The following EEF2 variants were observed in gnomAD, a reference collection of about 807,000 sequenced individuals.
EEF2 encodes eukaryotic translation elongation factor 2, also known as elongation factor 2.
Under a neutral mutation model 85.3 loss-of-function variants are expected in EEF2, and 21 were observed. The ratio of observed to expected loss-of-function variants is 0.25; its 90% CI spans 0.17 to 0.35. EEF2 has a LOEUF of 0.35. Ranked by LOEUF, EEF2 falls within the 10% of genes least tolerant of loss-of-function variation. The probability of loss-of-function intolerance (pLI) is 1.00; values close to 1 mark genes in which losing one functional copy is unlikely to be tolerated. For missense variants in EEF2, 825 were observed against 1,225.3 expected, an observed-to-expected ratio of 0.67 and a Z score of 4.88; for synonymous variants, 723 against 508.8, an observed-to-expected ratio of 1.42 and a Z score of -5.67.
In EEF2 at chr19:3,977,788, T is replaced by C; in HGVS notation, c.2067+31A>G. The C allele has an allele frequency of 1.3e-6, 2 of 1,539,152 alleles. No individual in the cohort carries two copies. The highest frequency in any genetic ancestry group is 1.8e-6 in the Non-Finnish European group (2 of 1,139,696). ...GGTCCCTCTAGAGCCTGGAAACGGG[T>C]GTGGTCTGCACATGCTGAGCCGTGC... On this transcript the variant is annotated intron_variant, in intron 12 of 14. Coordinates refer to ENST00000309311, the MANE Select transcript of EEF2 (RefSeq NM_001961.4). The surrounding 1 kb of genome is among the most constrained non-coding windows in gnomAD (Gnocchi z 5.4).
At chr19:3,981,544 C>T (rs1599195320) in intron 6 of EEF2, 92 bp from the exon 7 acceptor site, 1 of 1,176,478 alleles carries the variant, frequency 8.5e-7, no homozygotes, top group East Asian at 2.3e-5. Flanking sequence ...CAGGTCAGCG[C>T]AGGGGGACGC....
At position 3,976,648 on chromosome 19, in the gene EEF2, C is replaced by T. The variant is rs765952566; in HGVS notation, c.2483G>A (p.Ser828Asn). ...QILPGDPFDN[S>N]SRPSQVVAET... The stretch of plus-strand genomic sequence containing the variant: ...CGCCACCACCTGGCTGGGGCGGCTG[C>T]TGTTGTCGAAGGGGTCTCCGGGCAG... Residue 828 changes from serine (S) to asparagine (N), a missense_variant, in exon 15 of 15, where the codon AGC becomes AAC. Ser to Asn is a conservative substitution (Grantham distance 46). Transcript: ENST00000309311. The T allele has an allele frequency of 1.2e-5, 20 of 1,609,898 alleles. No homozygotes were observed. The highest frequency in any genetic ancestry group is 2.2e-5 in the East Asian group (1 of 44,794).
chr19:3,981,433 T>C lies in EEF2; in HGVS notation c.917A>G (p.Asn306Ser), dbSNP rs2039745559. ...PIFKVFDAIM[N>S]FKKEETAKLI... ...TTTTGCTGTCTCCTCTTTCTTGAAA[T>C]TCATGATCGCATCAAACACCTACAT... The change falls in exon 7 of 15, where the codon AAT (asparagine) becomes AGT (serine). Residue 306 changes from asparagine to serine, a missense_variant. Asn to Ser is a conservative substitution (Grantham distance 46). Coordinates refer to ENST00000309311, the MANE Select transcript of EEF2 (RefSeq NM_001961.4). The C allele has an allele frequency of 1.2e-6, 2 of 1,614,082 alleles. No homozygotes were observed. The highest frequency in any genetic ancestry group is 1.3e-5 in the African/African-American group (1 of 75,028).
In EEF2 at chr19:3,979,451, G is replaced by C. The variant is rs766237591; in HGVS notation, c.1606-15C>G. ...TCGATGATGCACTGAAAGGGATGCGGGTCAGCACCAAAGGGGTAGGCGGCT... is the reference window on the plus strand; with the variant it reads ...TCGATGATGCACTGAAAGGGATGCGCGTCAGCACCAAAGGGGTAGGCGGCT... On this transcript the variant is annotated splice_polypyrimidine_tract_variant and intron_variant, in intron 10 of 14. Transcript: ENST00000309311. The C allele has an allele frequency of 1.2e-6, 2 of 1,609,446 alleles. No individual in the cohort carries two copies. The highest frequency in any genetic ancestry group is 1.1e-5 in the South Asian group (1 of 90,978).
intron 2 of EEF2, chr19:3,983,727 G>A (rs775969958): frequency 3.3e-5 from 10 of 301,728 alleles, no homozygotes; most frequent in Non-Finnish European, 6.3e-5. Flanking sequence ...TGGGGTCACC[G>A]TACTCTGCGC....
rs748267250 is a variant in EEF2, at chr19:3,979,967, C to G, written c.1446G>C (p.Thr482=). 6.2e-7 allele frequency: 1 copy of G among 1,613,944 alleles called. No individual in the cohort carries two copies. The highest frequency in any genetic ancestry group is 1.3e-5 in the African/African-American group (1 of 75,074). ...CGTGCTCGAAGGTGGTGATGGTGCC[C>G]GTCTTCACCAGGAACTGGTCCACGC... ...LVGVDQFLVK[T]GTITTFEHAH... The change falls in exon 10 of 15, where the codon ACG becomes ACC. Residue 482 remains threonine (T), a synonymous_variant. Coordinates refer to ENST00000309311, the MANE Select transcript of EEF2 (RefSeq NM_001961.4).
Position 3,982,311 on chromosome 19 carries a change from G to T in EEF2, c.726C>A (p.Gly242=). Residue 242 remains glycine, a synonymous_variant, in exon 5 of 15, where the codon GGC becomes GGA. Transcript: ENST00000309311. ...YVAKFAAKGE[G]QLGPAERAKK... ...TGGCCCGCTCGGCAGGCCCCAACTG[G>T]CCCTCCCCCTTGGCGGCGAACTTGG... The T allele has an allele frequency of 4.3e-6, 7 of 1,614,116 alleles. No homozygotes were observed. Among genetic ancestry groups the T allele is most frequent in the Non-Finnish European group, 5.9e-6 (7 of 1,180,026 alleles).
rs371271708 is a variant in EEF2, at chr19:3,984,358, A to T, written c.4-8T>A. ...GTCTACCGTGAAGTTCACCTGGGCA[A>T]GACAAGGAGGCTCAGACCAGCTCGT... On this transcript the variant is annotated splice_region_variant and splice_polypyrimidine_tract_variant and intron_variant, in intron 1 of 14. Coordinates refer to ENST00000309311, the MANE Select transcript of EEF2 (RefSeq NM_001961.4). The T allele has an allele frequency of 1.3e-4, 204 of 1,613,386 alleles. No homozygotes were observed. Among genetic ancestry groups the T allele is most frequent in the Non-Finnish European group, 1.7e-4 (199 of 1,179,486 alleles).
intron 7 of EEF2, 80 bp from the exon 8 acceptor site, chr19:3,981,059 G>T: frequency 6.7e-7 from 1 of 1,496,592 alleles, no homozygotes. Flanking sequence ...CTCTCTTGAA[G>T]CCAAGGAAGC....
chr19:3,979,431 G>A lies in EEF2; in HGVS notation c.1611C>T (p.Ile537=). 2.5e-6 allele frequency: 4 copies of A among 1,613,376 alleles called. No individual in the cohort carries two copies. Among genetic ancestry groups the A allele is most frequent in the African/African-American group, 1.3e-5 (1 of 75,050 alleles). ...TGATATGCTCTCCCGACTCCTCGATGATGCACTGAAAGGGATGCGGGTCAG... is the reference window on the plus strand; with the variant it reads ...TGATATGCTCTCCCGACTCCTCGATAATGCACTGAAAGGGATGCGGGTCAG... ...LAKSDPMVQC[I]IEESGEHIIA... Residue 537 remains isoleucine, a synonymous_variant, in exon 11 of 15, where the codon ATC becomes ATT. Transcript: ENST00000309311.
chr19:3,985,340 C>A (rs2039806957), intron 1 of EEF2, 38 bp downstream of exon 1: 1 of 1,454,246 alleles, frequency 6.9e-7, no homozygotes, highest in Non-Finnish European at 9.1e-7. Context: ...GGAGGCCCCG[C>A]CGCCGCTCCG....
intron 1 of EEF2, 182 bp downstream of exon 1, chr19:3,985,196 C>G (rs774384399): frequency 1.6e-6 from 1 of 610,854 alleles, no homozygotes; most frequent in Non-Finnish European, 2.5e-6. Flanking sequence ...GGAGAAAGGG[C>G]TCGGTGAACA....
Position 3,978,122 on chromosome 19 carries a change from G to T in EEF2, c.1764C>A (p.Asn588Lys), listed in dbSNP as rs763197514. 2 of 1,500,312 alleles carry T rather than the reference G, an allele frequency of 1.3e-6. No homozygotes were observed. Among genetic ancestry groups the T allele is most frequent in the African/African-American group, 2.8e-5 (2 of 72,234 alleles). 92.9% of individuals were successfully genotyped at this position (1,500,312 alleles called of 1,614,324 possible). A position where few individuals can be genotyped will look rare whatever the true frequency, so the allele number is the denominator to read the frequency against. ...TGGGGGACTTGGAGAGGCAGAGCAC[G>T]TTCGACTCTTCACTGACCGTCTCGC... ...SYRETVSEES[N>K]VLCLSKSPNK... The change falls in exon 12 of 15, where the codon AAC becomes AAA. Residue 588 changes from asparagine (N) to lysine (K), a missense_variant. Transcript: ENST00000309311.
chr19:3,982,397 A>C lies in EEF2; in HGVS notation c.640T>G (p.Phe214Val). The change falls in exon 5 of 15, where the codon TTT becomes GTT. Residue 214 changes from phenylalanine to valine, a missense_variant. Coordinates refer to ENST00000309311, the MANE Select transcript of EEF2 (RefSeq NM_001961.4). ...GCCCACCCGTGGAGGCCAGACCCAA[A>C]GCCCACGGTACCGAGGACAGGATCG... ...MIDPVLGTVG[F>V]GSGLHGWAFT... is the part of the protein sequence containing the mutation. 6.2e-7 allele frequency: 1 copy of C among 1,614,146 alleles called. No individual in the cohort carries two copies. The highest frequency in any genetic ancestry group is 8.5e-7 in the Non-Finnish European group (1 of 1,180,036).
intron 5 of EEF2, 79 bp downstream of exon 5, chr19:3,982,167 G>T: frequency 6.2e-7 from 1 of 1,600,204 alleles, no homozygotes; most frequent in Admixed American, 1.7e-5. Context: ...GCCACGCTGT[G>T]AATAGCACAC....
intron 8 of EEF2, 50 bp downstream of exon 8, chr19:3,980,791 C>T (rs1217565932): frequency 6.3e-7 from 1 of 1,590,070 alleles, no homozygotes; most frequent in Non-Finnish European, 8.6e-7. Context: ...CCTTGGGCAA[C>T]AGGAAGTCAT....
In EEF2 at chr19:3,980,606, C is replaced by T. The variant is rs761179762; in HGVS notation, c.1254G>A (p.Ser418=). 1.2e-5 allele frequency: 19 copies of T among 1,614,072 alleles called. No individual in the cohort carries two copies. The highest frequency in any genetic ancestry group is 2.2e-5 in the East Asian group (1 of 44,894). The part of the protein sequence containing the change: ...GRFYAFGRVF[S]GLVSTGLKVR... ...CCTTCAGGCCAGTGGAGACCAGCCC[C>T]GAGAAGACTCGTCCAAAGGCGTAGA... is the stretch of plus-strand genomic sequence containing the variant. The change falls in exon 9 of 15, where the codon TCG becomes TCA. Residue 418 remains serine, a synonymous_variant. Transcript: ENST00000309311.
At position 3,976,262 on chromosome 19, in the gene EEF2, T is replaced by G. The variant is rs1052370185; in HGVS notation, c.*292A>C. On this transcript the variant is annotated 3_prime_UTR_variant, in exon 15 of 15. Coordinates refer to ENST00000309311, the MANE Select transcript of EEF2 (RefSeq NM_001961.4). ...ATTAGTTTGGACATCTGAGTTTCCC[T>G]CTGAAGAAATGGAAAAAGTGTTGGG... 2.4e-6 allele frequency: 1 copy of G among 421,640 alleles called. No homozygotes were observed. The highest frequency in any genetic ancestry group is 4.3e-6 in the Non-Finnish European group (1 of 233,662). 26.1% of individuals were successfully genotyped at this position (421,640 alleles called of 1,614,324 possible).
chr19:3,983,667 G>A (rs2039783467), intron 2 of EEF2, among the ~76,000 whole-genome samples: 2 of 152,016 alleles, frequency 1.3e-5, no homozygotes, highest in South Asian at 2.1e-4. Flanking sequence ...GAAATGAAGA[G>A]CCTTAGCCAG....
Sources: allele counts gnomAD v4.1 joint callset (sites outside exome capture counted in the v4.1 genomes callset), GRCh38; gene constraint gnomAD v4.1.1; non-coding constraint Gnocchi (gnomAD v3.1); transcripts MANE v1.5; gene names NCBI Gene and HGNC (gene_info 2026-07-23, HGNC 2026-07-21).